Variants in GPHN observed in about 807,000 individuals in gnomAD.
GPHN encodes gephyrin.
In GPHN, 17 loss-of-function variants were observed where a neutral mutation model predicts 95.5. That is an observed-to-expected ratio of 0.18 (90% CI 0.12 to 0.27). GPHN has a LOEUF of 0.27. Among genes scored for constraint, GPHN ranks in the 10% least tolerant of loss-of-function variants. GPHN has a pLI of 1.00. For missense variants in GPHN, 660 were observed against 978.1 expected, an observed-to-expected ratio of 0.67 and a Z score of 4.34; for synonymous variants, 320 against 322.5, an observed-to-expected ratio of 0.99 and a Z score of 0.08.
At chr14:66,825,130 G>A (rs2153493411) in intron 4 of GPHN, among the ~76,000 whole-genome samples, 1 of 152,118 alleles carries the variant, frequency 6.6e-6, no homozygotes, top group Non-Finnish European at 1.5e-5. Flanking sequence ...TTTATATATA[G>A]GAAGAAAAAT....
the GPHN span, among the ~76,000 whole-genome samples, chr14:67,372,658 G>A: frequency 9.9e-5 from 15 of 152,052 alleles, no homozygotes; most frequent in African/African-American, 2.4e-4. Flanking sequence ...GTGAAACCCC[G>A]TCTCTACTAA....
chr14:66,777,573 A>G (rs1222401680), intron 3 of GPHN, among the ~76,000 whole-genome samples: 1 of 152,200 alleles, frequency 6.6e-6, no homozygotes, highest in African/African-American at 2.4e-5. Context: ...AAAAATCCTC[A>G]ATAAAATACT....
At chr14:67,440,196 C>T in the GPHN span, among the ~76,000 whole-genome samples, 4 of 152,260 alleles carry the variant, frequency 2.6e-5, no homozygotes, top group East Asian at 7.7e-4. Context: ...ATGATCTGCA[C>T]ATACCCAAAG....
the GPHN span, chr14:67,645,535 C>T: frequency 2.4e-6 from 3 of 1,269,604 alleles, no homozygotes; most frequent in Non-Finnish European, 3.2e-6. Flanking sequence ...CCATCTAGGC[C>T]CTGGCTTTGC....
the GPHN span, among the ~76,000 whole-genome samples, chr14:67,545,553 CAGAA>C: frequency 7.9e-5 from 12 of 151,988 alleles, no homozygotes; most frequent in Admixed American, 5.2e-4. Flanking sequence ...AAGGAGTAAA[CAGAA>C]AGGACAAATG....
chr14:67,662,930 A>G, the GPHN span: 1 of 1,199,174 alleles, frequency 8.3e-7, no homozygotes, highest in Non-Finnish European at 1.1e-6. Context: ...AAGAATGTTT[A>G]CCAATAGTGA....
the GPHN span, chr14:67,302,554 G>C: frequency 4.6e-6 from 7 of 1,531,916 alleles, no homozygotes; most frequent in Non-Finnish European, 6.1e-6. Context: ...AGATGTCAAT[G>C]AGGTTTTTGA....
At chr14:67,145,329 A>G (rs1054179263) in intron 18 of GPHN, among the ~76,000 whole-genome samples, 3 of 152,202 alleles carry the variant, frequency 2.0e-5, no homozygotes, top group African/African-American at 4.8e-5. Flanking sequence ...TTGTGGCTCA[A>G]TTGTGGTAAG....
chr14:67,480,262 A>G, the GPHN span, among the ~76,000 whole-genome samples: 1 of 152,072 alleles, frequency 6.6e-6, no homozygotes, highest in Non-Finnish European at 1.5e-5. Flanking sequence ...CTTCCTGTCA[A>G]GCAGGTTAGG....
intron 3 of GPHN, among the ~76,000 whole-genome samples, chr14:66,823,877 A>G (rs1025716294): frequency 2.0e-5 from 3 of 152,236 alleles, no homozygotes; most frequent in Non-Finnish European, 2.9e-5. Flanking sequence ...TACCAATGCA[A>G]GTATATGATT....
chr14:67,645,636 T>C, the GPHN span: 2 of 1,612,008 alleles, frequency 1.2e-6, no homozygotes, highest in Non-Finnish European at 1.7e-6. Context: ...ATACTTGTTC[T>C]TTGCAGCCTG....
intron 1 of GPHN, among the ~76,000 whole-genome samples, chr14:66,668,130 TAAC>T (rs910366507): frequency 6.6e-5 from 10 of 152,200 alleles, no homozygotes; most frequent in Non-Finnish European, 1.3e-4. Flanking sequence ...AGCTGAAAAA[TAAC>T]AAGACGCTTG....
chr14:67,088,775 T>G (rs893632283), intron 11 of GPHN, among the ~76,000 whole-genome samples: 1 of 152,194 alleles, frequency 6.6e-6, no homozygotes, highest in Non-Finnish European at 1.5e-5. Flanking sequence ...TCTGCAAACA[T>G]TGCCATGAAT....
At position 67,097,943 on chromosome 14, in the gene GPHN, C is replaced by G. The variant is rs985574131; in HGVS notation, c.1238-2913C>G. On this transcript the variant is annotated intron_variant, in intron 12 of 22. Coordinates refer to ENST00000478722, the MANE Select transcript of GPHN (RefSeq NM_020806.5). Reference sequence around the variant, plus strand: ...ATAAACAAAAATAAGTTTTATGAAACAAGAGTCATCCTTACCATGTGTGTT... The same window carrying G: ...ATAAACAAAAATAAGTTTTATGAAAGAAGAGTCATCCTTACCATGTGTGTT... Among the ~76,000 whole-genome samples the G allele has an allele frequency of 2.0e-5, 3 of 152,006 alleles. No individual in the cohort carries two copies. The South Asian group carries it at 6.2e-4, about 32-fold the overall frequency.
At chr14:67,332,384 C>A in the GPHN span, among the ~76,000 whole-genome samples, 1 of 152,170 alleles carries the variant, frequency 6.6e-6, no homozygotes, top group Non-Finnish European at 1.5e-5. Context: ...TAGGTCCTTG[C>A]TCCAACCAGA....
At chr14:67,680,289 A>G in the GPHN span, among the ~76,000 whole-genome samples, 1 of 152,248 alleles carries the variant, frequency 6.6e-6, no homozygotes, top group South Asian at 2.1e-4. Flanking sequence ...AAAGATCATC[A>G]GTGAGAACCA....
At chr14:67,735,204 T>G in the GPHN span, 1 of 1,447,472 alleles carries the variant, frequency 6.9e-7, no homozygotes, top group East Asian at 2.3e-5. Flanking sequence ...GATTCCAGAC[T>G]CCATCATTTC....
chr14:67,572,627 C>A, the GPHN span, among the ~76,000 whole-genome samples: 1 of 152,176 alleles, frequency 6.6e-6, no homozygotes, highest in South Asian at 2.1e-4. Flanking sequence ...TGGCACCAGG[C>A]ACTGTGCTCA....
chr14:66,674,977 A>G (rs2066503307), intron 1 of GPHN, among the ~76,000 whole-genome samples: 1 of 152,084 alleles, frequency 6.6e-6, no homozygotes, highest in Non-Finnish European at 1.5e-5. Flanking sequence ...TCACCAGCAT[A>G]TGTTATCTTT....
Sources: gnomAD v4.1 joint callset for allele counts (sites outside exome capture counted in the v4.1 genomes callset) on GRCh38, gnomAD v4.1.1 for gene constraint, MANE v1.5 for transcripts, NCBI Gene and HGNC (gene_info 2026-07-23, HGNC 2026-07-21) for gene names.